The following SLC18A1 variants were observed in gnomAD, a reference collection of about 807,000 sequenced individuals.
The protein encoded by SLC18A1 is solute carrier family 18 member A1.
SLC18A1 carries 69 observed loss-of-function variants against 53.7 expected under a neutral mutation model. The ratio of observed to expected loss-of-function variants is 1.28; its 90% CI spans 1.06 to 1.57. The LOEUF (loss-of-function observed/expected upper bound fraction) is 1.57, where lower values mean the gene tolerates loss of function less well. SLC18A1 is among the 40% of genes most tolerant of loss of function. SLC18A1 has a pLI of 0.00. For missense variants in SLC18A1, 932 were observed against 668.1 expected, an observed-to-expected ratio of 1.40 and a Z score of -4.35; for synonymous variants, 320 against 248.1, an observed-to-expected ratio of 1.29 and a Z score of -2.72.
rs749895903 is a variant in SLC18A1 at position 20,171,422 on chromosome 8, A to C, written c.797T>G (p.Leu266Arg). 7 of 1,613,854 alleles carry C rather than the reference A, an allele frequency of 4.3e-6. No homozygotes were observed. In the African/African-American group the frequency reaches 9.3e-5, roughly 22 times the overall value. Reference protein sequence around the residue: ...KSAPFLILAFLALLDGALQLC... With the variant: ...KSAPFLILAFRALLDGALQLC... ...TGACTTACCTCCATCCAGTAGTGCC[A>C]GGAAGGCCAGGATGAGGAAGGGTGC... Residue 266 changes from leucine to arginine, a missense_variant, in exon 7 of 16, where the codon CTG (leucine) becomes CGG (arginine). Transcript: ENST00000276373.
intron 10 of SLC18A1, among the ~76,000 whole-genome samples, chr8:20,156,257 CAAAA>C (rs34048931): frequency 1.7e-4 from 23 of 132,128 alleles, no homozygotes; most frequent in Non-Finnish European, 1.9e-4. Context: ...TATCCTAAGT[CAAAA>C]AAAAAAAAAA....
At chr8:20,145,977 G>C in intron 15 of SLC18A1, 101 bp from the exon 16 acceptor site, 1 of 551,456 alleles carries the variant, frequency 1.8e-6, no homozygotes, top group South Asian at 3.1e-5. Context: ...GTGCAGTGGC[G>C]CAATCTCGGC....
chr8:20,177,750 C>T (rs944459336), intron 4 of SLC18A1, among the ~76,000 whole-genome samples: 55 of 152,304 alleles, frequency 3.6e-4, no homozygotes, highest in African/African-American at 1.2e-3. Context: ...AGGCTGCCTT[C>T]CCCTGCCTTA....
chr8:20,163,003 G>A (rs773867754), intron 10 of SLC18A1, among the ~76,000 whole-genome samples: 6 of 152,160 alleles, frequency 3.9e-5, no homozygotes, highest in Non-Finnish European at 8.8e-5. Context: ...TCCATTTTCT[G>A]CTGCTATAAT....
intron 3 of SLC18A1, 57 bp downstream of exon 3, chr8:20,179,064 C>T: frequency 6.5e-7 from 1 of 1,530,032 alleles, no homozygotes; most frequent in Non-Finnish European, 8.8e-7. Context: ...CCTTTCTATA[C>T]TTTTCTAGTC....
chr8:20,148,353 C>T (rs2071459572), intron 12 of SLC18A1: 2 of 843,222 alleles, frequency 2.4e-6, no homozygotes, highest in Non-Finnish European at 3.4e-6. Flanking sequence ...CTCCATTATG[C>T]TCTAACGAGG....
intron 10 of SLC18A1, 179 bp from the exon 11 acceptor site, chr8:20,150,923 C>A (rs2071536958): frequency 3.3e-6 from 2 of 602,034 alleles, no homozygotes; most frequent in African/African-American, 3.7e-5. Context: ...CCCCACACCT[C>A]TCCTTTCTTC....
chr8:20,155,369 G>C lies in SLC18A1; in HGVS notation c.1016-4625C>G, dbSNP rs367761360. Among the ~76,000 whole-genome samples the C allele has an allele frequency of 2.2e-3, 331 of 152,300 alleles. 2 individuals carry two copies. The highest frequency in any genetic ancestry group is 7.6e-3 in the African/African-American group (316 of 41,570). On this transcript the variant is annotated intron_variant, in intron 10 of 15. Coordinates refer to ENST00000276373, the MANE Select transcript of SLC18A1 (RefSeq NM_003053.4). ...CGATTAGCGTGGCTGCTGGACTTAAGACTCAGCTGGGAGGCTTTCTGGGAA... is the reference window on the plus strand; with the variant it reads ...CGATTAGCGTGGCTGCTGGACTTAACACTCAGCTGGGAGGCTTTCTGGGAA...
chr8:20,170,344 T>C (rs560981096), intron 8 of SLC18A1, among the ~76,000 whole-genome samples: 2 of 152,284 alleles, frequency 1.3e-5, no homozygotes, highest in South Asian at 2.1e-4. Context: ...TCATGGAATG[T>C]GTAAGATGCA....
chr8:20,171,074 G>A (rs886683851), intron 8 of SLC18A1, 29 bp downstream of exon 8: 2 of 1,611,974 alleles, frequency 1.2e-6, no homozygotes, highest in Admixed American at 1.7e-5. Context: ...CTGTATAACT[G>A]TTAGAAATGG....
chr8:20,151,756 T>C (rs1380727239), intron 10 of SLC18A1, among the ~76,000 whole-genome samples: 1 of 152,210 alleles, frequency 6.6e-6, no homozygotes, highest in East Asian at 1.9e-4. Flanking sequence ...GTTAGCTCTG[T>C]GACTTTGGAC....
Position 20,150,738 on chromosome 8 carries a change from G to C in SLC18A1, c.1022C>G (p.Ala341Gly). Residue 341 changes from alanine (A) to glycine (G), a missense_variant, in exon 11 of 16, where the codon GCT (alanine) becomes GGT (glycine). By Grantham distance (60) the Ala-to-Gly change is moderately conservative. Transcript: ENST00000276373. ...GTAGGACACACTGGCAGGCAAGAAA[G>C]CTAGACCTGTGGAAGGACACAGATC... ...MCSPKWQLGL[A>G]FLPASVSYLI... 6.2e-7 allele frequency: 1 copy of C among 1,614,024 alleles called. No homozygotes were observed. Among genetic ancestry groups the C allele is most frequent in the Non-Finnish European group, 8.5e-7 (1 of 1,179,882 alleles).
chr8:20,158,630 T>C (rs1390948437), intron 10 of SLC18A1, among the ~76,000 whole-genome samples: 4 of 152,096 alleles, frequency 2.6e-5, no homozygotes, highest in Admixed American at 1.3e-4. Context: ...CCCAAGGCCT[T>C]GTAAAACTAT....
intron 10 of SLC18A1, among the ~76,000 whole-genome samples, chr8:20,151,875 T>C (rs541308297): frequency 6.6e-6 from 1 of 152,322 alleles, no homozygotes; most frequent in East Asian, 1.9e-4. Context: ...AATACAGCGG[T>C]GAATAAGACA....
intron 4 of SLC18A1, among the ~76,000 whole-genome samples, chr8:20,176,429 C>T (rs2128879350): frequency 6.6e-6 from 1 of 152,278 alleles, no homozygotes; most frequent in Non-Finnish European, 1.5e-5. Context: ...ATAAATGACC[C>T]AGCCTCAGGT....
chr8:20,162,265 T>G (rs916850328), intron 10 of SLC18A1, among the ~76,000 whole-genome samples: 2 of 152,116 alleles, frequency 1.3e-5, no homozygotes, highest in African/African-American at 4.8e-5. Context: ...GCTTCGAAGG[T>G]CTCTAAAATG....
chr8:20,162,181 C>G (rs1187264476), intron 10 of SLC18A1, among the ~76,000 whole-genome samples: 1 of 152,168 alleles, frequency 6.6e-6, no homozygotes, highest in Non-Finnish European at 1.5e-5. Context: ...GCAGTGAGCC[C>G]ATGGAGGGTG....
At chr8:20,146,104 A>G (rs1381265980) in intron 15 of SLC18A1, among the ~76,000 whole-genome samples, 1 of 152,020 alleles carries the variant, frequency 6.6e-6, no homozygotes, top group African/African-American at 2.4e-5. Context: ...TTTAGCAGAG[A>G]CGGGGTTTCA....
chr8:20,173,306 AG>A (rs1483659384), intron 5 of SLC18A1, among the ~76,000 whole-genome samples, 178 bp from the exon 6 acceptor site: 2 of 152,186 alleles, frequency 1.3e-5, no homozygotes, highest in Admixed American at 6.5e-5. Flanking sequence ...TAGTCCCCCA[AG>A]CCCCCACATT....
Sources: gnomAD v4.1 joint callset for allele counts (sites outside exome capture counted in the v4.1 genomes callset) on GRCh38, gnomAD v4.1.1 for gene constraint, MANE v1.5 for transcripts, NCBI Gene and HGNC (gene_info 2026-07-23, HGNC 2026-07-21) for gene names.